The following SLIT3 variants were observed in gnomAD, a reference collection of about 807,000 sequenced individuals.
SLIT3 encodes slit homolog 3 protein.
SLIT3 carries 68 observed loss-of-function variants against 184.0 expected under a neutral mutation model. The ratio of observed to expected loss-of-function variants is 0.37; its 90% CI spans 0.30 to 0.45. The LOEUF (loss-of-function observed/expected upper bound fraction) is 0.45. Ranked by LOEUF, SLIT3 falls within the 20% of genes least tolerant of loss-of-function variation. The pLI is 1.00. For synonymous variants in SLIT3, 831 were observed against 828.6 expected (o/e 1.00, Z -0.05); for missense variants, 1,707 against 2,026.0 (o/e 0.84, Z 3.02).
intron 5 of SLIT3, among the ~76,000 whole-genome samples, chr5:168,850,662 G>T (rs1042822856): frequency 7.2e-5 from 11 of 152,218 alleles, no homozygotes; most frequent in Non-Finnish European, 1.5e-4. Flanking sequence ...TTAGAACTTA[G>T]TTGGAAATTG....
chr5:168,856,817 G>GCGCGCA (rs1359158447), intron 5 of SLIT3, among the ~76,000 whole-genome samples: 2 of 150,890 alleles, frequency 1.3e-5, no homozygotes, highest in African/African-American at 4.9e-5. Context: ...GCGCGCGCGC[G>GCGCGCA]CACGCCTTTG....
intron 4 of SLIT3, among the ~76,000 whole-genome samples, chr5:169,176,865 AG>A (rs1368057171): frequency 6.6e-6 from 1 of 152,210 alleles, no homozygotes; most frequent in Admixed American, 6.5e-5. Flanking sequence ...GAAGAAAACT[AG>A]AGGGCCAACC....
chr5:168,757,456 C>T lies in SLIT3; in HGVS notation c.1685+3406G>A, dbSNP rs750578955. Among the ~76,000 whole-genome samples the T allele has an allele frequency of 5.9e-5, 9 of 152,098 alleles. 2 individuals are homozygous for T. In the South Asian group the frequency reaches 1.5e-3, roughly 25 times the overall value. ...TGTTATTGTTTTTGTTTTTTTGAGA[C>T]GGAGTCTCACTCTGTCCCCCAAGCT... On this transcript the variant is annotated intron_variant, in intron 16 of 35. Transcript: ENST00000519560.
At chr5:169,129,772 A>G (rs1351128670) in intron 4 of SLIT3, among the ~76,000 whole-genome samples, 1 of 152,166 alleles carries the variant, frequency 6.6e-6, no homozygotes, top group Non-Finnish European at 1.5e-5. Flanking sequence ...ACCAAAATAT[A>G]GTTTGGAGTT....
chr5:169,187,610 C>T (rs1763400873), intron 4 of SLIT3, among the ~76,000 whole-genome samples: 1 of 149,206 alleles, frequency 6.7e-6, no homozygotes, highest in African/African-American at 2.5e-5. Context: ...GCTAGAGTGC[C>T]GTGGCACAAT....
At chr5:168,699,300 C>T (rs964153976) in intron 27 of SLIT3, among the ~76,000 whole-genome samples, 2 of 152,236 alleles carry the variant, frequency 1.3e-5, no homozygotes, top group African/African-American at 2.4e-5. Context: ...CCAGACCACA[C>T]GGCAGCACTG....
At chr5:169,028,486 A>T (rs1239169948) in intron 4 of SLIT3, among the ~76,000 whole-genome samples, 1 of 152,222 alleles carries the variant, frequency 6.6e-6, no homozygotes, top group African/African-American at 2.4e-5. Context: ...ACCTCCTAGG[A>T]TTCTTGCAAG....
chr5:169,281,662 G>A (rs1766998162), intron 1 of SLIT3, among the ~76,000 whole-genome samples: 1 of 152,164 alleles, frequency 6.6e-6, no homozygotes, highest in African/African-American at 2.4e-5. Flanking sequence ...CGTTATTACT[G>A]TTACTATTAA....
chr5:169,120,166 C>G (rs1263526434), intron 4 of SLIT3: 1 of 152,230 alleles, frequency 6.6e-6, no homozygotes, highest in Non-Finnish European at 1.5e-5. Flanking sequence ...TCAGAAAGCA[C>G]AGTTGATCTT....
chr5:169,044,203 C>T (rs561762337), intron 4 of SLIT3, among the ~76,000 whole-genome samples: 17 of 152,270 alleles, frequency 1.1e-4, no homozygotes, highest in Non-Finnish European at 1.9e-4. Context: ...ATATAAATGG[C>T]GTGGCCATTG....
intron 4 of SLIT3, among the ~76,000 whole-genome samples, chr5:169,085,197 C>G (rs549900920): frequency 5.3e-5 from 8 of 152,274 alleles, no homozygotes; most frequent in African/African-American, 1.9e-4. Flanking sequence ...TGGAAAAACA[C>G]AAAATCTGAC....
chr5:169,272,854 G>A (rs754183820), intron 1 of SLIT3, among the ~76,000 whole-genome samples: 3 of 152,126 alleles, frequency 2.0e-5, no homozygotes, highest in Non-Finnish European at 4.4e-5. Context: ...GAGTGCACAC[G>A]CGCAAGCACC....
At chr5:169,192,410 A>G (rs1763583502) in intron 4 of SLIT3, among the ~76,000 whole-genome samples, 1 of 146,860 alleles carries the variant, frequency 6.8e-6, no homozygotes, top group Non-Finnish European at 1.5e-5. Flanking sequence ...AAATAAATTT[A>G]TGTATATAGT....
At chr5:168,994,623 CTTTTTTTTTTTTTTTTTTTTTTTTT>C (rs66498923) in intron 4 of SLIT3, among the ~76,000 whole-genome samples, 6 of 47,102 alleles carry the variant, frequency 1.3e-4, no homozygotes, top group Admixed American at 6.1e-4. Flanking sequence ...TGGCATTCTA[CTTTTTTTTTTTTTTTTTTTTTTTTT>C]TTTTTTTTTT....
chr5:168,690,962 C>T (rs1364682371), intron 29 of SLIT3, among the ~76,000 whole-genome samples: 1 of 152,174 alleles, frequency 6.6e-6, no homozygotes, highest in Admixed American at 6.5e-5. Context: ...TCTCTCAACC[C>T]ATCCAAATTC....
chr5:168,909,247 C>T (rs932949256), intron 4 of SLIT3, among the ~76,000 whole-genome samples: 10 of 152,190 alleles, frequency 6.6e-5, no homozygotes, highest in African/African-American at 9.7e-5. Flanking sequence ...CCTTTGCTTA[C>T]AGCATGTGTT....
chr5:169,197,841 G>A (rs1240451000), intron 3 of SLIT3, among the ~76,000 whole-genome samples: 2 of 152,106 alleles, frequency 1.3e-5, no homozygotes, highest in African/African-American at 4.8e-5. Context: ...CTGCTGAGTT[G>A]CAAAGCCATA....
At chr5:168,828,291 C>T (rs1757765809) in intron 6 of SLIT3, among the ~76,000 whole-genome samples, 1 of 152,012 alleles carries the variant, frequency 6.6e-6, no homozygotes, top group Non-Finnish European at 1.5e-5. Context: ...ACAGGTGAAT[C>T]CACCTTGGGT....
At chr5:169,161,523 G>A (rs1762476729) in intron 4 of SLIT3, among the ~76,000 whole-genome samples, 1 of 152,026 alleles carries the variant, frequency 6.6e-6, no homozygotes, top group South Asian at 2.1e-4. Context: ...TTAAAGCACC[G>A]TCCTCTTGAG....
Sources: allele counts gnomAD v4.1 joint callset (sites outside exome capture counted in the v4.1 genomes callset), GRCh38; gene constraint gnomAD v4.1.1; transcripts MANE v1.5; gene names NCBI Gene and HGNC (gene_info 2026-07-23, HGNC 2026-07-21).